Variants in ZNF444 observed in about 807,000 individuals in gnomAD.
ZNF444 encodes zinc finger protein 444.
A neutral mutation model predicts 14.4 loss-of-function variants in ZNF444; 8 were observed. The ratio of observed to expected loss-of-function variants is 0.56; its 90% CI spans 0.33 to 1.00. The LOEUF (loss-of-function observed/expected upper bound fraction) is 1.00. ZNF444 is among the 50% of genes least tolerant of loss of function. The pLI, the probability that ZNF444 is intolerant of heterozygous loss-of-function variation, is 0.03. For synonymous variants in ZNF444, 258 were observed against 235.9 expected (o/e 1.09, Z -0.86); for missense variants, 510 against 504.8 (o/e 1.01, Z -0.10).
rs748641556 is a variant in ZNF444, at chr19:56,160,069, C to A, written c.852C>A (p.Gly284=). The A allele has an allele frequency of 6.6e-7, 1 of 1,504,888 alleles. No individual in the cohort carries two copies. The highest frequency in any genetic ancestry group is 1.2e-5 in the South Asian group (1 of 81,852). 93.2% of individuals were successfully genotyped at this position (1,504,888 alleles called of 1,614,324 possible). ...GARPFACWEC[G]KGFGRREHVL... is the part of the protein sequence containing the mutation. The stretch of plus-strand genomic sequence containing the variant: ...GGCCCTTTGCCTGCTGGGAGTGTGG[C>A]AAGGGCTTCGGGCGCCGCGAGCACG... The change falls in exon 5 of 5, where the codon GGC becomes GGA. Residue 284 remains glycine, a synonymous_variant. Transcript: ENST00000337080.
intron 3 of ZNF444, chr19:56,156,862 C>T (rs2031940369): frequency 6.6e-6 from 1 of 152,334 alleles, no homozygotes; most frequent in Non-Finnish European, 1.5e-5. Flanking sequence ...CTGGATGTCT[C>T]TTCCTGTGGA....
chr19:56,136,286 G>A (rs1435325460), intron 1 of ZNF444, among the ~76,000 whole-genome samples: 1 of 152,056 alleles, frequency 6.6e-6, no homozygotes, highest in African/African-American at 2.4e-5. Context: ...CTCACCCACT[G>A]TGCTAGGCCC....
chr19:56,151,648 C>G (rs758093481), intron 3 of ZNF444: 1 of 417,152 alleles, frequency 2.4e-6, no homozygotes, highest in Admixed American at 2.6e-5. Flanking sequence ...TGGGAGCTGA[C>G]GGTGGTGTAT....
chr19:56,139,230 G>A (rs2030682734), upstream of ZNF444, among the ~76,000 whole-genome samples: 1 of 152,116 alleles, frequency 6.6e-6, no homozygotes, highest in Non-Finnish European at 1.5e-5. Flanking sequence ...CTGAGGGGCA[G>A]GAGGCAGAAG....
Position 56,145,516 on chromosome 19 carries a change from G to T in ZNF444, c.-196-731G>T, listed in dbSNP as rs2031117729. Among the ~76,000 whole-genome samples, 1 of 152,096 alleles carries T rather than the reference G, an allele frequency of 6.6e-6. No individual in the cohort carries two copies. Among genetic ancestry groups the T allele is most frequent in the Non-Finnish European group, 1.5e-5 (1 of 68,018 alleles). On this transcript the variant is annotated intron_variant, in intron 1 of 4. Coordinates refer to ENST00000337080, the MANE Select transcript of ZNF444 (RefSeq NM_018337.4). This position sits in a 1 kb window ranked among gnomAD's most constrained non-coding sequence, Gnocchi z 4.3. ...CAGGAGAATCGCTTGACCCTGGGAG[G>T]CGGAGGTTGCAGTGAACCAAGATCG... is the stretch of plus-strand genomic sequence containing the variant.
rs1600007484 is a variant in ZNF444, at chr19:56,144,879, G to T, written c.-196-1368G>T. 6.6e-6 allele frequency among the ~76,000 whole-genome samples: 1 copy of T among 152,234 alleles called. No homozygotes were observed. The highest frequency in any genetic ancestry group is 2.4e-5 in the African/African-American group (1 of 41,448). On this transcript the variant is annotated intron_variant, in intron 1 of 4. Transcript: ENST00000337080. This position sits in a 1 kb window ranked among gnomAD's most constrained non-coding sequence, Gnocchi z 4.0. ...GCGGGCTGGCGCCTGAGCCCCATGG[G>T]GTCATCAGGGTCCCTTCTGTCTTGA...
At chr19:56,153,158 C>T (rs2031688006) in intron 3 of ZNF444, among the ~76,000 whole-genome samples, 1 of 152,118 alleles carries the variant, frequency 6.6e-6, no homozygotes, top group Non-Finnish European at 1.5e-5. Context: ...TGGGGGAGAA[C>T]AGGGGACATT....
upstream of ZNF444, among the ~76,000 whole-genome samples, chr19:56,140,159 G>T (rs1421020767): frequency 6.6e-6 from 1 of 152,142 alleles, no homozygotes; most frequent in Non-Finnish European, 1.5e-5. Flanking sequence ...ATGAATGCTT[G>T]TTATGGGTAA....
At chr19:56,152,349 AT>A (rs779957928) in intron 3 of ZNF444, among the ~76,000 whole-genome samples, 1 of 149,668 alleles carries the variant, frequency 6.7e-6, no homozygotes, top group African/African-American at 2.5e-5. Flanking sequence ...AAAAAAAAAA[AT>A]ACCGTTGCCG....
Position 56,159,709 on chromosome 19 carries a change from G to A in ZNF444, c.492G>A (p.Pro164=). 2 of 1,552,732 alleles carry A rather than the reference G, an allele frequency of 1.3e-6. No individual in the cohort carries two copies. Among genetic ancestry groups the A allele is most frequent in the Non-Finnish European group, 1.7e-6 (2 of 1,153,570 alleles). The change falls in exon 5 of 5, where the codon CCG becomes CCA. Residue 164 remains proline (P), a synonymous_variant. Transcript: ENST00000337080. ...RPYKQEPSSP[P]LAPGLPAFLA... ...ACAAGCAGGAGCCCAGCAGCCCCCC[G>A]CTGGCGCCTGGCCTGCCCGCCTTCC...
chr19:56,148,225 G>A (rs375449624), intron 3 of ZNF444, among the ~76,000 whole-genome samples: 169 of 152,244 alleles, frequency 1.1e-3, no homozygotes, highest in African/African-American at 3.9e-3. Flanking sequence ...GGGCAGCCAC[G>A]CAGAGACCTC....
In ZNF444 at chr19:56,159,846, C is replaced by T. The variant is rs560741119; in HGVS notation, c.629C>T (p.Pro210Leu). The T allele has an allele frequency of 1.3e-3, 1,989 of 1,557,114 alleles. 43 individuals are homozygous for T. In the South Asian group the frequency reaches 0.022, roughly 17 times the overall value. The stretch of plus-strand genomic sequence containing the variant: ...TCGGGCGAGAAGCCGCACGCCTGCC[C>T]TGAGTGCGGGAAGGCCTTTCGGCGC... ...SHSGEKPHAC[P>L]ECGKAFRRKE... Residue 210 changes from proline (P) to leucine (L), a missense_variant, in exon 5 of 5, where the codon CCT (proline) becomes CTT (leucine). Physicochemically the swap from Pro to Leu is moderately conservative, Grantham distance 98. Transcript: ENST00000337080.
intron 1 of ZNF444, among the ~76,000 whole-genome samples, chr19:56,133,119 G>A (rs2030526323): frequency 6.6e-6 from 1 of 151,730 alleles, no homozygotes; most frequent in Admixed American, 6.6e-5. Flanking sequence ...TGTATTTTTA[G>A]TAGAGATGTG....
At chr19:56,135,103 C>T (rs1020382204) in intron 1 of ZNF444, among the ~76,000 whole-genome samples, 2 of 151,906 alleles carry the variant, frequency 1.3e-5, no homozygotes, top group Non-Finnish European at 2.9e-5. Flanking sequence ...TGGTGGCAGG[C>T]GCCTGTAGTC....
Position 56,159,667 on chromosome 19 carries a change from C to G in ZNF444, c.450C>G (p.Ser150=), listed in dbSNP as rs2032148946. 2.0e-6 allele frequency: 3 copies of G among 1,508,902 alleles called. No individual in the cohort carries two copies. The highest frequency in any genetic ancestry group is 1.2e-5 in the South Asian group (1 of 80,872). The allele number at this position is 1,508,902 out of a possible 1,614,324, so 93.5% of individuals were successfully genotyped here. A position where few individuals can be genotyped will look rare whatever the true frequency, so the allele number is the denominator to read the frequency against. ...CTGAGGGGCCGGCGCCTGGGGACTC[C>G]CAGGCTGTGCGCCCCTACAAGCAGG... is the stretch of plus-strand genomic sequence containing the variant. ...PGAEGPAPGD[S]QAVRPYKQEP... Residue 150 remains serine (S), a synonymous_variant, in exon 5 of 5, where the codon TCC becomes TCG. Transcript: ENST00000337080.
At chr19:56,152,357 G>C (rs1325469981) in intron 3 of ZNF444, among the ~76,000 whole-genome samples, 2 of 151,378 alleles carry the variant, frequency 1.3e-5, no homozygotes, top group Admixed American at 1.3e-4. Context: ...AAATACCGTT[G>C]CCGGGATTTT....
chr19:56,143,876 G>A (rs1470467209), intron 1 of ZNF444, among the ~76,000 whole-genome samples: 1 of 152,176 alleles, frequency 6.6e-6, no homozygotes, highest in South Asian at 2.1e-4. Context: ...GGCTCTCCAA[G>A]GGGGTAATAA....
rs776260031 is a variant in ZNF444, at chr19:56,158,511, C to T, written c.315C>T (p.Pro105=). The stretch of plus-strand genomic sequence containing the variant: ...CATTTCAGGGGCCAGCAGCCTCCCC[C>T]GATGGGTCGTCAGCAACGAGGGTGC... ...LEELWGPAAS[P]DGSSATRVPQ... is the part of the protein sequence containing the mutation. Residue 105 remains proline (P), a synonymous_variant, in exon 4 of 5, where the codon CCC becomes CCT. Transcript: ENST00000337080. The T allele has an allele frequency of 1.1e-5, 17 of 1,610,200 alleles. No individual in the cohort carries two copies. Among genetic ancestry groups the T allele is most frequent in the South Asian group, 3.3e-5 (3 of 90,524 alleles).
At chr19:56,150,614 C>T (rs1027381378) in intron 3 of ZNF444, 2 of 450,932 alleles carry the variant, frequency 4.4e-6, no homozygotes, top group South Asian at 1.6e-5. Context: ...TTTCCATTTC[C>T]AGCAATGATA....
Sources: gnomAD v4.1 joint callset for allele counts (sites outside exome capture counted in the v4.1 genomes callset) on GRCh38, gnomAD v4.1.1 for gene constraint, Gnocchi (gnomAD v3.1) non-coding constraint, MANE v1.5 for transcripts, NCBI Gene and HGNC (gene_info 2026-07-23, HGNC 2026-07-21) for gene names.